TMEM131L: variants seen among roughly 807,000 people sequenced by gnomAD.
The protein encoded by TMEM131L is transmembrane protein 131-like.
TMEM131L carries 54 observed loss-of-function variants against 192.2 expected under a neutral mutation model. The observed-to-expected ratio is 0.28, with a 90% CI of 0.23 to 0.35. TMEM131L has a LOEUF of 0.35. TMEM131L is among the 10% of genes least tolerant of loss of function. The pLI is 1.00. For synonymous variants in TMEM131L, 701 were observed against 704.9 expected, an observed-to-expected ratio of 0.99 and a Z score of 0.09; for missense variants, 1,888 against 1,972.9, an observed-to-expected ratio of 0.96 and a Z score of 0.82.
intron 3 of TMEM131L, among the ~76,000 whole-genome samples, chr4:153,515,666 G>A (rs925291147): frequency 6.6e-6 from 1 of 152,226 alleles, no homozygotes; most frequent in Non-Finnish European, 1.5e-5. Flanking sequence ...GTTTTCCAAA[G>A]TAGTTGTACC....
rs1452940283 is a variant in TMEM131L, at chr4:153,503,236, C to T, written c.239+29348C>T. The stretch of plus-strand genomic sequence containing the variant: ...TGCTATAACTTTCTCATTTAATTCA[C>T]TTTTTCCTTTATTCATTTTTAGAAT... On this transcript the variant is annotated intron_variant, in intron 3 of 34. Coordinates refer to ENST00000409959, the MANE Select transcript of TMEM131L (RefSeq NM_001131007.2). Among the ~76,000 whole-genome samples the T allele has an allele frequency of 2.6e-5, 4 of 152,182 alleles. No homozygotes were observed. The East Asian group carries it at 7.7e-4, about 29-fold the overall frequency.
chr4:153,554,168 G>C (rs925892971), intron 4 of TMEM131L: 21 of 152,148 alleles, frequency 1.4e-4, no homozygotes, highest in Admixed American at 9.2e-4. Flanking sequence ...CAAAACCTCA[G>C]AAGTCCTTAT....
chr4:153,574,406 G>T (rs1479116641), intron 7 of TMEM131L, among the ~76,000 whole-genome samples: 1 of 152,164 alleles, frequency 6.6e-6, no homozygotes, highest in African/African-American at 2.4e-5. Flanking sequence ...AGCTGAGCCT[G>T]CTGTTATGCA....
intron 3 of TMEM131L, among the ~76,000 whole-genome samples, chr4:153,481,837 C>G (rs1731965941): frequency 6.6e-6 from 1 of 151,598 alleles, no homozygotes. Flanking sequence ...TGCGCCTGGC[C>G]CAGAGACTGT....
chr4:153,474,119 A>G lies in TMEM131L; in HGVS notation c.239+231A>G, dbSNP rs141958282. ...ATAGCCCCTCCTTCGCCACTCACCA[A>G]TTTCACTTTTTCCATGATGTGCTTG... On this transcript the variant is annotated intron_variant, in intron 3 of 34. Transcript: ENST00000409959. Among the ~76,000 whole-genome samples, 19 of 152,274 alleles carry G rather than the reference A, an allele frequency of 1.2e-4. No homozygotes were observed. In the East Asian group the frequency reaches 1.5e-3, roughly 12 times the overall value.
rs900299876 is a variant in TMEM131L, at chr4:153,621,566, G to A, written c.3693-117G>A. The stretch of plus-strand genomic sequence containing the variant: ...CTTCCACCAGACCCAAAGAGAGGAG[G>A]ACTCCTATTGTCCCAGATTCATATT... On this transcript the variant is annotated intron_variant, in intron 27 of 34. Transcript: ENST00000409959. 9 of 920,670 alleles carry A rather than the reference G, an allele frequency of 9.8e-6. No homozygotes were observed. The South Asian group carries it at 1.4e-4, about 14-fold the overall frequency. The allele number at this position is 920,670 out of a possible 1,614,324, so 57.0% of individuals were successfully genotyped here.
Position 153,602,596 on chromosome 4 carries a change from C to T in TMEM131L, c.2508C>T (p.Thr836=), listed in dbSNP as rs139590294. 8.6e-5 allele frequency: 138 copies of T among 1,614,006 alleles called. No individual in the cohort carries two copies. The African/African-American group carries it at 1.5e-3, about 18-fold the overall frequency. The change falls in exon 23 of 35, where the codon ACC becomes ACT. Residue 836 remains threonine, a synonymous_variant. Coordinates refer to ENST00000409959, the MANE Select transcript of TMEM131L (RefSeq NM_001131007.2). ...TAATTCGGGACCTAAGTCTTGTAACCGCAGCGGACCTAGAATTTCGCTTCA... is the reference window on the plus strand; with the variant it reads ...TAATTCGGGACCTAAGTCTTGTAACTGCAGCGGACCTAGAATTTCGCTTCA... ...SWVIRDLSLV[T]AADLEFRFTL... is the part of the protein sequence containing the mutation.
chr4:153,629,429 A>C (rs1054599639), intron 31 of TMEM131L, among the ~76,000 whole-genome samples: 1 of 152,158 alleles, frequency 6.6e-6, no homozygotes, highest in East Asian at 1.9e-4. Context: ...CTGCATCATC[A>C]GTTTTTCTCT....
At chr4:153,619,806 T>A (rs532979549) in intron 26 of TMEM131L, among the ~76,000 whole-genome samples, 1 of 152,338 alleles carries the variant, frequency 6.6e-6, no homozygotes, top group East Asian at 1.9e-4. Flanking sequence ...AATGAGCCAA[T>A]CTTTGCTTTC....
At chr4:153,598,327 T>C (rs773805519) in intron 20 of TMEM131L, among the ~76,000 whole-genome samples, 15 of 152,092 alleles carry the variant, frequency 9.9e-5, no homozygotes, top group Non-Finnish European at 4.4e-5. Context: ...TGGGCTGTGG[T>C]TGGAAGGGGG....
rs935989002 is a variant in TMEM131L at position 153,555,284 on chromosome 4, A to G, written c.309-503A>G. ...CCCAAAAAGTCTCTTTTACTCAGAA[A>G]ACATAACCCTAAGAAAAATTGGGTT... On this transcript the variant is annotated intron_variant, in intron 4 of 34. Transcript: ENST00000409959. This position sits in a 1 kb window ranked among gnomAD's most constrained non-coding sequence, Gnocchi z 4.1. Among the ~76,000 whole-genome samples the G allele has an allele frequency of 6.6e-6, 1 of 152,210 alleles. No individual in the cohort carries two copies. Among genetic ancestry groups the G allele is most frequent in the Non-Finnish European group, 1.5e-5 (1 of 68,036 alleles).
chr4:153,632,941 G>C, intron 32 of TMEM131L, 103 bp downstream of exon 32: 3 of 1,381,164 alleles, frequency 2.2e-6, no homozygotes, highest in Non-Finnish European at 3.0e-6. Flanking sequence ...TGAAGGCTAG[G>C]CTTCTTCCTT....
At chr4:153,636,222 T>A in intron 34 of TMEM131L, 79 bp from the exon 35 acceptor site, 1 of 1,253,448 alleles carries the variant, frequency 8.0e-7, no homozygotes, top group Non-Finnish European at 1.1e-6. Flanking sequence ...AGCATTGTAG[T>A]ATTCGCTGAT....
chr4:153,583,471 C>CT (rs1730496991), intron 10 of TMEM131L, 93 bp from the exon 11 acceptor site: 5 of 890,914 alleles, frequency 5.6e-6, no homozygotes, highest in Non-Finnish European at 9.4e-6. Context: ...CTATGTATGG[C>CT]TGGTCTGTGC....
chr4:153,474,976 G>A (rs767464629), intron 3 of TMEM131L, among the ~76,000 whole-genome samples: 1 of 149,828 alleles, frequency 6.7e-6, no homozygotes, highest in South Asian at 2.1e-4. Context: ...AACTTGCAAG[G>A]ACTACGCTTC....
intron 7 of TMEM131L, among the ~76,000 whole-genome samples, chr4:153,570,668 A>T (rs1729528210): frequency 6.6e-6 from 1 of 152,092 alleles, no homozygotes; most frequent in Non-Finnish European, 1.5e-5. Context: ...GTGGTATGGA[A>T]GCTGTGTTAG....
chr4:153,506,595 C>T lies in TMEM131L; in HGVS notation c.239+32707C>T, dbSNP rs543913066. On this transcript the variant is annotated intron_variant, in intron 3 of 34. Coordinates refer to ENST00000409959, the MANE Select transcript of TMEM131L (RefSeq NM_001131007.2). ...CGGTGGCTCATGCCTGTAATCCCAG[C>T]GCTTTGAGAGGCCAAGGGGGGGACT... is the stretch of plus-strand genomic sequence containing the variant. 5.9e-5 allele frequency among the ~76,000 whole-genome samples: 9 copies of T among 152,114 alleles called. No individual in the cohort carries two copies. In the South Asian group the frequency reaches 1.4e-3, roughly 24 times the overall value.
intron 23 of TMEM131L, 50 bp from the exon 24 acceptor site, chr4:153,603,253 A>G (rs1319439040): frequency 3.3e-6 from 5 of 1,496,292 alleles, no homozygotes; most frequent in Admixed American, 2.2e-5. Flanking sequence ...TAGTCTTTTG[A>G]ATGCCAGTCA....
chr4:153,600,405 G>T (rs1319361061), intron 21 of TMEM131L, among the ~76,000 whole-genome samples: 1 of 151,842 alleles, frequency 6.6e-6, no homozygotes, highest in Non-Finnish European at 1.5e-5. Context: ...AAAATAACTG[G>T]TGTGACTGAT....
Sources: gnomAD v4.1 joint callset for allele counts (sites outside exome capture counted in the v4.1 genomes callset) on GRCh38, gnomAD v4.1.1 for gene constraint, Gnocchi (gnomAD v3.1) non-coding constraint, MANE v1.5 for transcripts, NCBI Gene and HGNC (gene_info 2026-07-23, HGNC 2026-07-21) for gene names.